Variants in PHF20 observed in about 807,000 individuals in gnomAD.
PHF20 encodes the protein PHD finger protein 20, also known as glioma-expressed antigen 2.
Under a neutral mutation model 113.5 loss-of-function variants are expected in PHF20, and 23 were observed. The observed-to-expected ratio is 0.20, with a 90% CI of 0.15 to 0.29. The LOEUF is 0.29. Ranked by LOEUF, PHF20 falls within the 10% of genes least tolerant of loss-of-function variation. The pLI, the probability that PHF20 is intolerant of heterozygous loss-of-function variation, is 1.00. For missense variants in PHF20, 943 were observed against 1,219.6 expected (o/e 0.77, Z 3.38); for synonymous variants, 434 against 457.3 (o/e 0.95, Z 0.65).
intron 1 of PHF20, among the ~76,000 whole-genome samples, chr20:35,788,676 C>G (rs566795566): frequency 6.6e-6 from 1 of 152,170 alleles, no homozygotes; most frequent in East Asian, 1.9e-4. Flanking sequence ...CTCCCATGTT[C>G]AAGCGTTTCT....
intron 1 of PHF20, among the ~76,000 whole-genome samples, chr20:35,776,423 T>A (rs951975134): frequency 6.6e-6 from 1 of 152,336 alleles, no homozygotes; most frequent in East Asian, 1.9e-4. Context: ...GAGAAGATGA[T>A]ATTCTTTGAT....
chr20:35,878,424 T>G lies in PHF20; in HGVS notation c.1282+6595T>G, dbSNP rs185459657. ...TCAGGTTGGCGTGTGCGAGATTTTC[T>G]TGCTCTAGGGAGATTGTTTAAGCAA... On this transcript the variant is annotated intron_variant, in intron 9 of 17. Transcript: ENST00000374012. 7 of 457,000 alleles carry G rather than the reference T, an allele frequency of 1.5e-5. No homozygotes were observed. In the Admixed American group the frequency reaches 2.9e-4, roughly 19 times the overall value. 28.3% of individuals were successfully genotyped at this position (457,000 alleles called of 1,614,324 possible).
intron 1 of PHF20, among the ~76,000 whole-genome samples, chr20:35,784,577 C>T (rs1355813776): frequency 5.3e-5 from 8 of 151,556 alleles, no homozygotes; most frequent in Admixed American, 4.6e-4. Flanking sequence ...GCTGGGAATA[C>T]AGGCGTGTGC....
At chr20:35,932,191 C>A (rs1316773039) in intron 15 of PHF20, among the ~76,000 whole-genome samples, 1 of 150,972 alleles carries the variant, frequency 6.6e-6, no homozygotes, top group African/African-American at 2.4e-5. Flanking sequence ...CTTCAGCCTC[C>A]CAAGTAGTTG....
At chr20:35,856,228 G>A (rs2042824918) in intron 4 of PHF20, 2 of 152,148 alleles carry the variant, frequency 1.3e-5, no homozygotes, top group South Asian at 4.1e-4. Flanking sequence ...TGTCTTGCTA[G>A]CTAGTTTCGT....
chr20:35,825,163 C>T (rs1233104982), intron 2 of PHF20, among the ~76,000 whole-genome samples: 1 of 152,166 alleles, frequency 6.6e-6, no homozygotes. Flanking sequence ...CACCATTTTA[C>T]ACTCCCACCA....
At chr20:35,924,289 G>A (rs1281871861) in intron 13 of PHF20, among the ~76,000 whole-genome samples, 3 of 149,974 alleles carry the variant, frequency 2.0e-5, no homozygotes, top group African/African-American at 7.4e-5. Flanking sequence ...CCACCTCCCA[G>A]GTTCAAGTGA....
At chr20:35,871,426 C>T (rs531185348) in intron 8 of PHF20, among the ~76,000 whole-genome samples, 1 of 152,192 alleles carries the variant, frequency 6.6e-6, no homozygotes, top group South Asian at 2.1e-4. Context: ...TCATTCGTGC[C>T]TTTGTGTTTA....
At chr20:35,838,406 T>G (rs913243342) in intron 2 of PHF20, 1 of 152,176 alleles carries the variant, frequency 6.6e-6, no homozygotes, top group Non-Finnish European at 1.5e-5. Flanking sequence ...GGTTACTTGA[T>G]CCTCCTTCCC....
chr20:35,844,901 A>T (rs960288191), intron 3 of PHF20, among the ~76,000 whole-genome samples: 1 of 152,192 alleles, frequency 6.6e-6, no homozygotes, highest in Non-Finnish European at 1.5e-5. Flanking sequence ...AAAATCACCC[A>T]TTTTAAACTG....
chr20:35,810,695 T>C (rs1196250290), intron 2 of PHF20, among the ~76,000 whole-genome samples: 1 of 152,070 alleles, frequency 6.6e-6, no homozygotes, highest in Non-Finnish European at 1.5e-5. Flanking sequence ...TTCTCCAGAG[T>C]GTCTGAATGT....
At chr20:35,784,508 C>T (rs1231229348) in intron 1 of PHF20, among the ~76,000 whole-genome samples, 7 of 137,108 alleles carry the variant, frequency 5.1e-5, no homozygotes, top group African/African-American at 1.9e-4. Flanking sequence ...ATGATCTCTG[C>T]TTACTGCAAC....
intron 4 of PHF20, among the ~76,000 whole-genome samples, chr20:35,852,544 A>G (rs1194051527): frequency 6.6e-6 from 1 of 152,178 alleles, no homozygotes; most frequent in Non-Finnish European, 1.5e-5. Flanking sequence ...AGGCATGCCC[A>G]CAAACATATG....
chr20:35,914,981 A>G (rs1258158226), intron 12 of PHF20, among the ~76,000 whole-genome samples: 2 of 147,936 alleles, frequency 1.4e-5, no homozygotes, highest in Non-Finnish European at 3.0e-5. Context: ...AAAAAAAAAC[A>G]GTAAAATATG....
At chr20:35,792,900 C>G (rs570361380) in intron 1 of PHF20, among the ~76,000 whole-genome samples, 1 of 152,122 alleles carries the variant, frequency 6.6e-6, no homozygotes, top group South Asian at 2.1e-4. Context: ...GCTGGGCAAA[C>G]AGGCTCAGTG....
chr20:35,934,081 G>A (rs1179786023), intron 15 of PHF20, among the ~76,000 whole-genome samples: 1 of 152,234 alleles, frequency 6.6e-6, no homozygotes, highest in African/African-American at 2.4e-5. Flanking sequence ...AGACTAGTGC[G>A]ATGAGTGAGT....
At chr20:35,839,769 A>G (rs937129225) in intron 2 of PHF20, among the ~76,000 whole-genome samples, 2 of 152,174 alleles carry the variant, frequency 1.3e-5, no homozygotes, top group Non-Finnish European at 2.9e-5. Context: ...TATGGAAAAC[A>G]TACCCTTCCA....
chr20:35,913,150 C>A, intron 10 of PHF20, 99 bp from the exon 11 acceptor site: 1 of 810,956 alleles, frequency 1.2e-6, no homozygotes, highest in Non-Finnish European at 2.0e-6. Context: ...ACTTCCCAGG[C>A]AGAGCCAGAC....
intron 2 of PHF20, among the ~76,000 whole-genome samples, chr20:35,821,069 A>G (rs1023140124): frequency 6.6e-6 from 1 of 152,082 alleles, no homozygotes; most frequent in African/African-American, 2.4e-5. Context: ...GGCCATAATA[A>G]GGAGTTTGGA....
Sources: gnomAD v4.1 joint callset for allele counts (sites outside exome capture counted in the v4.1 genomes callset) on GRCh38, gnomAD v4.1.1 for gene constraint, MANE v1.5 for transcripts, NCBI Gene and HGNC (gene_info 2026-07-23, HGNC 2026-07-21) for gene names.